The following HYDIN variants were observed in gnomAD, a reference collection of about 807,000 sequenced individuals.
HYDIN encodes axonemal central pair apparatus protein HYDIN.
A neutral mutation model predicts 403.9 loss-of-function variants in HYDIN; 132 were observed. The ratio of observed to expected loss-of-function variants is 0.33; its 90% CI spans 0.28 to 0.38. The LOEUF is 0.38. Ranked by LOEUF, HYDIN falls within the 10% of genes least tolerant of loss-of-function variation. HYDIN has a pLI of 1.00. For synonymous variants in HYDIN, 1,202 were observed against 1,891.7 expected, an observed-to-expected ratio of 0.64 and a Z score of 9.46; for missense variants, 2,827 against 5,009.5, an observed-to-expected ratio of 0.56 and a Z score of 13.15.
intron 20 of HYDIN, among the ~76,000 whole-genome samples, chr16:71,026,141 C>A (rs2080689544): frequency 6.6e-6 from 1 of 152,236 alleles, no homozygotes. Flanking sequence ...CACAGGTGAC[C>A]CACCCACCTC....
intron 48 of HYDIN, 43 bp downstream of exon 48, chr16:70,908,610 G>A (rs1251240520): frequency 2.7e-6 from 4 of 1,477,420 alleles, no homozygotes; most frequent in Admixed American, 4.0e-5. Context: ...CTCAGTGTGG[G>A]CTTTGGCCCA....
chr16:71,166,070 G>C (rs1263271593), intron 5 of HYDIN, among the ~76,000 whole-genome samples: 1 of 148,258 alleles, frequency 6.7e-6, no homozygotes, highest in Non-Finnish European at 1.5e-5. Flanking sequence ...GAAGAGGGAG[G>C]CCAGTTAGGA....
At position 70,920,904 on chromosome 16, in the gene HYDIN, G is replaced by C. The variant is rs766670371; in HGVS notation, c.7472C>G (p.Pro2491Arg). 1 of 1,613,510 alleles carries C rather than the reference G, an allele frequency of 6.2e-7. No individual in the cohort carries two copies. The highest frequency in any genetic ancestry group is 1.1e-5 in the South Asian group (1 of 91,010). ...QLPPAGMEEA[P>R]HEPDDQRQVP... ...CTGGCGCTGGTCGTCGGGCTCATGG[G>C]GCGCTTCCTCCATCCCTGCAGGAGG... Residue 2491 changes from proline (P) to arginine (R), a missense_variant, in exon 46 of 86, where the codon CCC becomes CGC. By Grantham distance (103) the Pro-to-Arg change is moderately radical (BLOSUM62 -2). Coordinates refer to ENST00000393567, the MANE Select transcript of HYDIN (RefSeq NM_001270974.2).
At chr16:71,018,837 A>C (rs1334219946) in intron 22 of HYDIN, among the ~76,000 whole-genome samples, 1 of 146,224 alleles carries the variant, frequency 6.8e-6, no homozygotes, top group East Asian at 2.0e-4. Context: ...CTAAAAATAA[A>C]TTTCGTTGTG....
At chr16:70,844,179 C>T (rs928824527) in intron 75 of HYDIN, among the ~76,000 whole-genome samples, 1 of 131,212 alleles carries the variant, frequency 7.6e-6, no homozygotes, top group Non-Finnish European at 1.5e-5. Flanking sequence ...GGTTTGAGGT[C>T]TAACGTTTAA....
intron 52 of HYDIN, among the ~76,000 whole-genome samples, chr16:70,902,794 A>AATATATAT (rs1264288990): frequency 4.1e-3 from 252 of 60,822 alleles, no homozygotes; most frequent in Middle Eastern, 8.6e-3. Flanking sequence ...CTACTCTTTA[A>AATATATAT]ATATATATAT....
At chr16:70,985,370 G>GTCACT in intron 27 of HYDIN, 48 bp from the exon 28 acceptor site, 1 of 1,044,542 alleles carries the variant, frequency 9.6e-7, no homozygotes, top group Non-Finnish European at 1.4e-6. Flanking sequence ...ATGCGGCTTT[G>GTCACT]ATAGTGACAA....
At chr16:71,048,721 G>A (rs570574198) in intron 18 of HYDIN, among the ~76,000 whole-genome samples, 1 of 152,324 alleles carries the variant, frequency 6.6e-6, no homozygotes, top group Non-Finnish European at 1.5e-5. Flanking sequence ...CCTACTTGAG[G>A]TGGAGGGTGG....
In HYDIN at chr16:70,962,008, G is replaced by A. The variant is rs760909025; in HGVS notation, c.5919C>T (p.Tyr1973=). ...TTTCCTCATCCTCCTCTTCCTCTAG[G>A]TAGGTTTTGGACTCGACCAACAGGG... ...WHALLVESKT[Y]LEEEEDEESL... Residue 1973 remains tyrosine (Y), a synonymous_variant, in exon 38 of 86, where the codon TAC becomes TAT. Coordinates refer to ENST00000393567, the MANE Select transcript of HYDIN (RefSeq NM_001270974.2). 8.1e-7 allele frequency: 1 copy of A among 1,241,464 alleles called. No individual in the cohort carries two copies. The highest frequency in any genetic ancestry group is 1.6e-5 in the South Asian group (1 of 61,898). 76.9% of individuals were successfully genotyped at this position (1,241,464 alleles called of 1,614,324 possible).
chr16:70,948,988 G>A (rs2077973093), intron 41 of HYDIN, among the ~76,000 whole-genome samples: 1 of 147,152 alleles, frequency 6.8e-6, no homozygotes, highest in Admixed American at 6.8e-5. Flanking sequence ...AAATCATGCT[G>A]CTATAAAGAC....
At chr16:70,859,792 CCA>C (rs1305101498) in intron 71 of HYDIN, among the ~76,000 whole-genome samples, 1 of 152,128 alleles carries the variant, frequency 6.6e-6, no homozygotes, top group Non-Finnish European at 1.5e-5. Context: ...GCATTGGTGT[CCA>C]GTTACCTTTT....
At chr16:70,866,395 T>C in intron 66 of HYDIN, 66 bp from the exon 67 acceptor site, 2 of 902,470 alleles carry the variant, frequency 2.2e-6, no homozygotes, top group East Asian at 2.4e-5. Flanking sequence ...GACAATGGAA[T>C]AGAATAGAGA....
chr16:70,947,394 T>C (rs1278917164), intron 41 of HYDIN, among the ~76,000 whole-genome samples: 3 of 152,050 alleles, frequency 2.0e-5, no homozygotes, highest in Non-Finnish European at 4.4e-5. Context: ...TGAAGCCCAC[T>C]TGATCATGGT....
At position 70,844,962 on chromosome 16, in the gene HYDIN, G is replaced by C. The variant is rs1192908328; in HGVS notation, c.12874-4729C>G. On this transcript the variant is annotated intron_variant, in intron 75 of 85. Transcript: ENST00000393567. ...TGGGCTGAGACGATGGGGTTTTCTA[G>C]ATATACAATCATGTCGTCTGCAAAC... Among the ~76,000 whole-genome samples the C allele has an allele frequency of 6.3e-4, 79 of 125,462 alleles. 1 individual carries two copies. The highest frequency in any genetic ancestry group is 4.6e-3 in the South Asian group (18 of 3,922). The allele number at this position is 125,462 out of a possible 152,430, so 82.3% of individuals were successfully genotyped here. A position where few individuals can be genotyped will look rare whatever the true frequency, so the allele number is the denominator to read the frequency against.
At chr16:71,172,792 G>A (rs967708020) in intron 5 of HYDIN, among the ~76,000 whole-genome samples, 1 of 152,186 alleles carries the variant, frequency 6.6e-6, no homozygotes, top group African/African-American at 2.4e-5. Context: ...AAATGAGAAT[G>A]GAGAGTGTTC....
At chr16:71,137,476 T>C (rs2084972709) in intron 7 of HYDIN, 124 bp from the exon 8 acceptor site, 1 of 590,416 alleles carries the variant, frequency 1.7e-6, no homozygotes, top group Non-Finnish European at 3.0e-6. Flanking sequence ...TTCTTTCCAC[T>C]GTACCCCCAT....
rs2087932209 is a variant in HYDIN, at chr16:71,200,354, C to T, written c.-23-13436G>A. On this transcript the variant is annotated intron_variant, in intron 1 of 85. Transcript: ENST00000393567. ...TTCCTTCTTGCACAAGATCCCAGAA[C>T]CCTCTCTTGGGGTCTGGATCGGGAC... Among the ~76,000 whole-genome samples the T allele has an allele frequency of 2.6e-5, 4 of 152,158 alleles. No individual in the cohort carries two copies. The South Asian group carries it at 8.3e-4, about 32-fold the overall frequency.
intron 10 of HYDIN, among the ~76,000 whole-genome samples, chr16:71,111,174 CACTT>C (rs1261580391): frequency 2.2e-4 from 27 of 122,364 alleles, no homozygotes; most frequent in African/African-American, 7.4e-4. Context: ...CATAAACAAA[CACTT>C]AGTTATGAAA....
Position 71,179,061 on chromosome 16 carries a change from A to AG in HYDIN, c.262-15dup. 6.2e-7 allele frequency: 1 copy of AG among 1,604,796 alleles called. No homozygotes were observed. The highest frequency in any genetic ancestry group is 8.5e-7 in the Non-Finnish European group (1 of 1,174,498). ...AATTCCTGAAAACTTCAGTTGAAAG[A>AG]GTAAATTATTGTTATAGTCACACAT... On this transcript the variant is annotated splice_polypyrimidine_tract_variant and intron_variant, in intron 3 of 85. Coordinates refer to ENST00000393567, the MANE Select transcript of HYDIN (RefSeq NM_001270974.2).
Sources: gnomAD v4.1 joint callset for allele counts (sites outside exome capture counted in the v4.1 genomes callset) on GRCh38, gnomAD v4.1.1 for gene constraint, MANE v1.5 for transcripts, NCBI Gene and HGNC (gene_info 2026-07-23, HGNC 2026-07-21) for gene names.